Variants in CPSF6 observed in about 807,000 individuals in gnomAD.
CPSF6 encodes the protein cleavage and polyadenylation specificity factor subunit 6.
CPSF6 carries 10 observed loss-of-function variants against 56.7 expected under a neutral mutation model. That is an observed-to-expected ratio of 0.18 (90% CI 0.11 to 0.30). The LOEUF (loss-of-function observed/expected upper bound fraction) is 0.30. Ranked by LOEUF, CPSF6 falls within the 10% of genes least tolerant of loss-of-function variation. The pLI, the probability that CPSF6 is intolerant of heterozygous loss-of-function variation, is 1.00. For missense variants in CPSF6, 419 were observed against 722.9 expected, an observed-to-expected ratio of 0.58 and a Z score of 4.82; for synonymous variants, 248 against 244.8, an observed-to-expected ratio of 1.01 and a Z score of -0.12.
intron 1 of CPSF6, among the ~76,000 whole-genome samples, chr12:69,245,169 CTTA>C (rs1355226334): frequency 6.6e-6 from 1 of 151,428 alleles, no homozygotes; most frequent in Non-Finnish European, 1.5e-5. Flanking sequence ...AACACAGTCG[CTTA>C]TTGTCAAGTA....
intron 8 of CPSF6, among the ~76,000 whole-genome samples, chr12:69,260,464 C>G (rs1020309905): frequency 6.6e-6 from 1 of 152,146 alleles, no homozygotes; most frequent in African/African-American, 2.4e-5. Flanking sequence ...TACCTCTCCC[C>G]TTACTCACTG....
chr12:69,265,291 A>G (rs144970033), intron 9 of CPSF6, among the ~76,000 whole-genome samples: 17 of 152,284 alleles, frequency 1.1e-4, no homozygotes, highest in Middle Eastern at 6.8e-3. Flanking sequence ...TGAGCAAAAT[A>G]AAAGTAGTTC....
chr12:69,263,203 G>A (rs1872825389), intron 9 of CPSF6, among the ~76,000 whole-genome samples: 1 of 151,872 alleles, frequency 6.6e-6, no homozygotes, highest in Non-Finnish European at 1.5e-5. Context: ...AATTAAAATG[G>A]GTTTAGGGTG....
chr12:69,244,711 T>G (rs2120430193), intron 1 of CPSF6, among the ~76,000 whole-genome samples: 1 of 151,736 alleles, frequency 6.6e-6, no homozygotes, highest in African/African-American at 2.4e-5. Context: ...TTTTTTAAGC[T>G]TTTTTTAAAA....
intron 1 of CPSF6, among the ~76,000 whole-genome samples, chr12:69,246,721 C>G (rs34173894): frequency 0.061 from 9,282 of 152,246 alleles, 617 homozygotes; most frequent in South Asian, 0.29. Context: ...TAACTTCCCC[C>G]CTTCATATAT....
chr12:69,242,033 A>G (rs1368044771), intron 1 of CPSF6, among the ~76,000 whole-genome samples: 1 of 152,144 alleles, frequency 6.6e-6, no homozygotes, highest in Non-Finnish European at 1.5e-5. Context: ...TCTTACCAGA[A>G]TTAGAGGCAA....
intron 1 of CPSF6, among the ~76,000 whole-genome samples, chr12:69,243,801 T>G (rs1216719454): frequency 2.6e-5 from 4 of 152,192 alleles, no homozygotes; most frequent in Non-Finnish European, 4.4e-5. Context: ...CTAAATTTAT[T>G]TAAACTTTTT....
rs781624236 is a variant in CPSF6 at position 69,258,682 on chromosome 12, C to G, written c.787C>G (p.Leu263Val). Residue 263 changes from leucine to valine, a missense_variant, in exon 6 of 10, where the codon CTA becomes GTA. By Grantham distance (32) the Leu-to-Val change is conservative (BLOSUM62 1). Around this residue, in one of 4 missense-constraint regions of CPSF6, gnomAD observed 211 missense variants for 296.0 expected, o/e 0.71. Transcript: ENST00000435070. The surrounding 1 kb of genome is among the most constrained non-coding windows in gnomAD (Gnocchi z 4.2). ...PPPGQVLPPPLAGPPNRGDRP... is the reference protein window; with the variant it reads ...PPPGQVLPPPVAGPPNRGDRP... ...TCCTGGTCAGGTTCTGCCTCCTCCT[C>G]TAGCTGGGCCTCCTAATCGAGGAGA... 12 of 1,614,024 alleles carry G rather than the reference C, an allele frequency of 7.4e-6. No individual in the cohort carries two copies. The highest frequency in any genetic ancestry group is 2.2e-5 in the East Asian group (1 of 44,886).
intron 2 of CPSF6, among the ~76,000 whole-genome samples, chr12:69,251,917 C>T (rs1027878729): frequency 5.3e-5 from 8 of 152,106 alleles, no homozygotes; most frequent in Non-Finnish European, 1.2e-4. Flanking sequence ...AATATTACAT[C>T]TTAAGTATCA....
chr12:69,240,848 G>A (rs1376288947), intron 1 of CPSF6, among the ~76,000 whole-genome samples: 1 of 152,144 alleles, frequency 6.6e-6, no homozygotes, highest in Non-Finnish European at 1.5e-5. Context: ...GACGTTTAAG[G>A]TTTGAACCTG....
At chr12:69,251,819 G>C (rs573899005) in intron 2 of CPSF6, among the ~76,000 whole-genome samples, 1 of 152,032 alleles carries the variant, frequency 6.6e-6, no homozygotes, top group East Asian at 1.9e-4. Flanking sequence ...ACTTCTGTGC[G>C]TATTATATTT....
chr12:69,247,762 T>TA (rs1249897348), intron 1 of CPSF6, among the ~76,000 whole-genome samples: 8 of 152,326 alleles, frequency 5.3e-5, no homozygotes, highest in African/African-American at 1.9e-4. Flanking sequence ...GTATTTTTTT[T>TA]TACGCTGGAG....
chr12:69,244,028 T>A (rs1190542986), intron 1 of CPSF6, among the ~76,000 whole-genome samples: 1 of 151,980 alleles, frequency 6.6e-6, no homozygotes, highest in Non-Finnish European at 1.5e-5. Flanking sequence ...AGGGATGAGG[T>A]CCCAGCTAGT....
At chr12:69,257,931 G>A in intron 5 of CPSF6, 26 bp downstream of exon 5, 1 of 1,594,522 alleles carries the variant, frequency 6.3e-7, no homozygotes, top group Non-Finnish European at 8.5e-7. Flanking sequence ...AATTACCATG[G>A]ATAAAACATG....
Position 69,253,033 on chromosome 12 carries a change from G to T in CPSF6, c.271-18G>T. 7.2e-7 allele frequency: 1 copy of T among 1,390,246 alleles called. No homozygotes were observed. The highest frequency in any genetic ancestry group is 9.8e-7 in the Non-Finnish European group (1 of 1,017,992). 86.1% of individuals were successfully genotyped at this position (1,390,246 alleles called of 1,614,324 possible). A position where few individuals can be genotyped will look rare whatever the true frequency, so the allele number is the denominator to read the frequency against. On this transcript the variant is annotated intron_variant, in intron 2 of 9. Coordinates refer to ENST00000435070, the MANE Select transcript of CPSF6 (RefSeq NM_007007.3). ...TGGTTTTATTTTAATGGTTAATGAG[G>T]GGGAAAATATCTTGCAGTGGACAAC...
intron 9 of CPSF6, among the ~76,000 whole-genome samples, chr12:69,267,495 G>A (rs1873047684): frequency 6.6e-6 from 1 of 151,880 alleles, no homozygotes; most frequent in Non-Finnish European, 1.5e-5. Flanking sequence ...TGACATTACA[G>A]ATTTTACCAA....
chr12:69,240,108 G>A (rs931741014), intron 1 of CPSF6, among the ~76,000 whole-genome samples: 2 of 151,294 alleles, frequency 1.3e-5, no homozygotes, highest in African/African-American at 4.9e-5. Context: ...GCTGGTCGGA[G>A]GAGGAAGCCC....
intron 1 of CPSF6, 34 bp downstream of exon 1, chr12:69,239,740 G>C: frequency 2.6e-6 from 4 of 1,553,222 alleles, no homozygotes; most frequent in Non-Finnish European, 3.5e-6. Context: ...CCGCCGACGC[G>C]GGCGGCGCTG....
At chr12:69,240,960 G>A (rs1374574861) in intron 1 of CPSF6, among the ~76,000 whole-genome samples, 1 of 152,002 alleles carries the variant, frequency 6.6e-6, no homozygotes, top group Non-Finnish European at 1.5e-5. Context: ...TATTTCCCAG[G>A]TCCCTATGAG....
Sources: allele counts gnomAD v4.1 joint callset (sites outside exome capture counted in the v4.1 genomes callset), GRCh38; gene constraint gnomAD v4.1.1; regional missense constraint gnomAD v4.1.1; non-coding constraint Gnocchi (gnomAD v3.1); transcripts MANE v1.5; gene names NCBI Gene and HGNC (gene_info 2026-07-23, HGNC 2026-07-21).